Variants in SLCO3A1 observed in about 807,000 individuals in gnomAD.
SLCO3A1 encodes the protein PGE1 transporter.
Under a neutral mutation model 63.1 loss-of-function variants are expected in SLCO3A1, and 27 were observed. The observed-to-expected ratio is 0.43, with a 90% confidence interval of 0.32 to 0.59. The LOEUF is 0.59. SLCO3A1 is among the 20% of genes least tolerant of loss of function. The pLI is 0.09. For synonymous variants in SLCO3A1, 473 were observed against 409.9 expected (o/e 1.15, Z -1.86); for missense variants, 773 against 945.8 (o/e 0.82, Z 2.40).
chr15:92,059,652 G>T (rs1272225303), intron 2 of SLCO3A1, among the ~76,000 whole-genome samples: 2 of 152,142 alleles, frequency 1.3e-5, no homozygotes, highest in Non-Finnish European at 2.9e-5. Flanking sequence ...GGCTTCCCTG[G>T]ATTTAGATAT....
Position 91,900,241 on chromosome 15 carries a change from A to C in SLCO3A1, c.181-15752A>C, listed in dbSNP as rs905042267. Among the ~76,000 whole-genome samples the C allele has an allele frequency of 4.6e-5, 7 of 152,200 alleles. No individual in the cohort carries two copies. The highest frequency in any genetic ancestry group is 1.7e-4 in the African/African-American group (7 of 41,458). On this transcript the variant is annotated intron_variant, in intron 1 of 9. Transcript: ENST00000318445. The surrounding 1 kb of genome is among the most constrained non-coding windows in gnomAD (Gnocchi z 4.3). ...TCAACTGCTTTTCAAAGTGGCTATA[A>C]CCATTTTATCTTTTATGTTCCCACT... is the stretch of plus-strand genomic sequence containing the variant.
intron 9 of SLCO3A1, among the ~76,000 whole-genome samples, chr15:92,160,665 G>C (rs193170044): frequency 6.6e-6 from 1 of 152,114 alleles, no homozygotes; most frequent in Non-Finnish European, 1.5e-5. Flanking sequence ...ATCAAGCAGC[G>C]GAGGTGAAGA....
At chr15:91,898,810 T>G (rs950800976) in intron 1 of SLCO3A1, among the ~76,000 whole-genome samples, 19 of 152,324 alleles carry the variant, frequency 1.2e-4, no homozygotes, top group African/African-American at 4.6e-4. Flanking sequence ...TTATTGGTAG[T>G]ATTAAAATTT....
intron 2 of SLCO3A1, among the ~76,000 whole-genome samples, chr15:91,955,519 G>A (rs1285865341): frequency 1.3e-5 from 2 of 152,122 alleles, no homozygotes; most frequent in African/African-American, 4.8e-5. Flanking sequence ...TTTTGGTAGA[G>A]ATGGGGTTTC....
chr15:92,045,858 T>C lies in SLCO3A1; in HGVS notation c.647-49023T>C, dbSNP rs193258218. Among the ~76,000 whole-genome samples the C allele has an allele frequency of 5.3e-5, 8 of 152,276 alleles. No homozygotes were observed. The East Asian group carries it at 1.5e-3, about 29-fold the overall frequency. On this transcript the variant is annotated intron_variant, in intron 2 of 9. Coordinates refer to ENST00000318445, the MANE Select transcript of SLCO3A1 (RefSeq NM_013272.4). ...GTATCAATATCTCCAGTCACTTGGC[T>C]TCAGTCACCCAGTTGCTAGGATATG...
In SLCO3A1 at chr15:92,141,468, T is replaced by A. The variant is rs191123256; in HGVS notation, c.1513-5516T>A. Among the ~76,000 whole-genome samples the A allele has an allele frequency of 7.4e-3, 1,122 of 152,318 alleles. 11 individuals are homozygous for A. Among genetic ancestry groups the A allele is most frequent in the Non-Finnish European group, 0.012 (822 of 68,012 alleles). ...CCAAATAGAACTATGCTATTGGGGTTTGGGGTGAGAATTAGGATCCCAGCC... is the reference window on the plus strand; with the variant it reads ...CCAAATAGAACTATGCTATTGGGGTATGGGGTGAGAATTAGGATCCCAGCC... On this transcript the variant is annotated intron_variant, in intron 7 of 9. Transcript: ENST00000318445.
intron 2 of SLCO3A1, among the ~76,000 whole-genome samples, chr15:92,028,129 C>T (rs1251037262): frequency 6.6e-6 from 1 of 152,148 alleles, no homozygotes; most frequent in Non-Finnish European, 1.5e-5. Flanking sequence ...AAACAAAGAC[C>T]AGAGTCTCTT....
At chr15:91,964,916 C>T (rs901776718) in intron 2 of SLCO3A1, among the ~76,000 whole-genome samples, 5 of 152,052 alleles carry the variant, frequency 3.3e-5, no homozygotes, top group African/African-American at 7.2e-5. Context: ...TACCTTGTCC[C>T]GTACTTTGTC....
At chr15:92,079,109 G>A (rs146314229) in intron 2 of SLCO3A1, among the ~76,000 whole-genome samples, 33 of 152,306 alleles carry the variant, frequency 2.2e-4, no homozygotes, top group African/African-American at 7.7e-4. Flanking sequence ...TTTTCCACCC[G>A]GCCAGTCCTA....
At chr15:91,962,543 A>T (rs1024235685) in intron 2 of SLCO3A1, among the ~76,000 whole-genome samples, 5 of 151,934 alleles carry the variant, frequency 3.3e-5, no homozygotes, top group African/African-American at 1.2e-4. Flanking sequence ...AACAGGAAAC[A>T]ACTGAAAGCT....
chr15:92,142,535 C>T (rs1445605055), intron 7 of SLCO3A1, among the ~76,000 whole-genome samples: 3 of 152,182 alleles, frequency 2.0e-5, no homozygotes, highest in African/African-American at 7.2e-5. Flanking sequence ...GAAGAACCCC[C>T]ACCTTGTAAT....
At chr15:92,095,106 C>G in intron 3 of SLCO3A1, 127 bp downstream of exon 3, 5 of 465,230 alleles carry the variant, frequency 1.1e-5, no homozygotes, top group East Asian at 4.1e-5. Flanking sequence ...GCCTCTGTAG[C>G]TGGGGCTCAC....
At chr15:92,000,211 C>T (rs183549075) in intron 2 of SLCO3A1, among the ~76,000 whole-genome samples, 1 of 151,910 alleles carries the variant, frequency 6.6e-6, no homozygotes, top group Non-Finnish European at 1.5e-5. Context: ...TATAGATATA[C>T]AAAACATGTA....
intron 9 of SLCO3A1, 145 bp downstream of exon 9, chr15:92,151,159 C>G (rs2048300447): frequency 4.7e-6 from 3 of 644,566 alleles, no homozygotes; most frequent in South Asian, 2.2e-5. Context: ...TTTTAAGTCT[C>G]AAAATTTTGG....
intron 1 of SLCO3A1, among the ~76,000 whole-genome samples, chr15:91,876,044 C>T (rs1239636976): frequency 6.6e-6 from 1 of 152,192 alleles, no homozygotes; most frequent in Non-Finnish European, 1.5e-5. Context: ...GTGGCTCACA[C>T]CTGTAATCCC....
chr15:91,990,283 A>G (rs906168523), intron 2 of SLCO3A1, among the ~76,000 whole-genome samples: 1 of 152,184 alleles, frequency 6.6e-6, no homozygotes, highest in Non-Finnish European at 1.5e-5. Flanking sequence ...TTCTCATGCA[A>G]CTTTGCCAGA....
rs143574140 is a variant in SLCO3A1 at position 92,154,423 on chromosome 15, T to C, written c.1753+3409T>C. 4.9e-4 allele frequency among the ~76,000 whole-genome samples: 74 copies of C among 152,348 alleles called. 1 individual carries two copies. Among genetic ancestry groups the C allele is most frequent in the African/African-American group, 1.7e-3 (72 of 41,580 alleles). On this transcript the variant is annotated intron_variant, in intron 9 of 9. Transcript: ENST00000318445. Reference sequence around the variant, plus strand: ...TTCTCTGTCTGTACCACAGGTGCTGTTGCACACTTGAAATGTGGCTTCTGT... The same window carrying C: ...TTCTCTGTCTGTACCACAGGTGCTGCTGCACACTTGAAATGTGGCTTCTGT...
rs1555431409 is a variant in SLCO3A1, at chr15:92,089,008, ATTAT to A, written c.647-5842_647-5839del. ...TTACCCCAGCTTTATTTATTTATTT[ATTAT>A]TTATTTATTTATTTATTTATTTATT... is the stretch of plus-strand genomic sequence containing the variant. On this transcript the variant is annotated intron_variant, in intron 2 of 9. Coordinates refer to ENST00000318445, the MANE Select transcript of SLCO3A1 (RefSeq NM_013272.4). Among the ~76,000 whole-genome samples, 339 of 90,572 alleles carry A rather than the reference ATTAT, an allele frequency of 3.7e-3. 7 individuals carry two copies. In the East Asian group the frequency reaches 0.054, roughly 15 times the overall value. 59.4% of individuals were successfully genotyped at this position (90,572 alleles called of 152,430 possible). A position where few individuals can be genotyped will look rare whatever the true frequency, so the allele number is the denominator to read the frequency against.
At chr15:91,936,326 G>A (rs1161257954) in intron 2 of SLCO3A1, among the ~76,000 whole-genome samples, 1 of 152,188 alleles carries the variant, frequency 6.6e-6, no homozygotes, top group East Asian at 1.9e-4. Flanking sequence ...GTCCAATATG[G>A]CATCCACTAA....
Sources: gnomAD v4.1 joint callset for allele counts (sites outside exome capture counted in the v4.1 genomes callset) on GRCh38, gnomAD v4.1.1 for gene constraint, Gnocchi (gnomAD v3.1) non-coding constraint, MANE v1.5 for transcripts, NCBI Gene and HGNC (gene_info 2026-07-23, HGNC 2026-07-21) for gene names.